NAV3: variants seen among roughly 807,000 people sequenced by gnomAD.
NAV3 encodes the protein pore membrane and/or filament interacting like protein 1.
Under a neutral mutation model 244.7 loss-of-function variants are expected in NAV3, and 87 were observed. The ratio of observed to expected loss-of-function variants is 0.36; its 90% CI spans 0.30 to 0.42. NAV3 has a LOEUF of 0.42. NAV3 is among the 20% of genes least tolerant of loss of function. The probability of loss-of-function intolerance (pLI) is 1.00; values close to 1 mark genes in which losing one functional copy is unlikely to be tolerated. For missense variants in NAV3, 2,663 were observed against 2,893.3 expected (o/e 0.92, Z 1.83); for synonymous variants, 1,126 against 1,042.2 (o/e 1.08, Z -1.55).
chr12:77,741,258 T>A (rs911214257), intron 2 of NAV3, among the ~76,000 whole-genome samples: 1 of 151,108 alleles, frequency 6.6e-6, no homozygotes, highest in Non-Finnish European at 1.5e-5. Flanking sequence ...AGAATCCTTA[T>A]AAAGTTTTAA....
intron 15 of NAV3, 113 bp downstream of exon 15, chr12:78,120,058 ATAT>A: frequency 1.5e-6 from 1 of 654,690 alleles, no homozygotes; most frequent in South Asian, 5.2e-5. Context: ...TAAGGTATAT[ATAT>A]ATCTTAGAAT....
intron 34 of NAV3, among the ~76,000 whole-genome samples, chr12:78,192,997 G>T (rs189072825): frequency 6.6e-6 from 1 of 152,198 alleles, no homozygotes; most frequent in Non-Finnish European, 1.5e-5. Context: ...CAACAGTGTA[G>T]ATTTACTGAA....
intron 8 of NAV3, among the ~76,000 whole-genome samples, chr12:78,021,060 C>A (rs1877070243): frequency 6.6e-6 from 1 of 152,126 alleles, no homozygotes; most frequent in African/African-American, 2.4e-5. Flanking sequence ...AGGGAAGAAA[C>A]ATGCATGAAG....
chr12:77,657,308 A>G (rs11106161), intron 2 of NAV3, among the ~76,000 whole-genome samples: 27,488 of 152,194 alleles, frequency 0.18, 3,302 homozygotes, highest in African/African-American at 0.34. Flanking sequence ...ACAAACTACC[A>G]TCAGAGAATA....
chr12:77,740,232 C>G (rs531128132), intron 2 of NAV3, among the ~76,000 whole-genome samples: 1 of 152,254 alleles, frequency 6.6e-6, no homozygotes, highest in Non-Finnish European at 1.5e-5. Context: ...TGCATACCAA[C>G]TACTTTTCAG....
chr12:78,126,212 G>A (rs1359491461), intron 16 of NAV3, among the ~76,000 whole-genome samples: 1 of 152,114 alleles, frequency 6.6e-6, no homozygotes, highest in East Asian at 1.9e-4. Context: ...AGTACACATA[G>A]AAGAAAACAT....
intron 2 of NAV3, among the ~76,000 whole-genome samples, chr12:77,797,001 G>A (rs988307127): frequency 7.2e-5 from 11 of 152,044 alleles, no homozygotes; most frequent in Non-Finnish European, 1.5e-5. Flanking sequence ...AAATCTCTGA[G>A]GTATGCCTAT....
At chr12:77,725,115 C>T (rs111844218) in intron 2 of NAV3, among the ~76,000 whole-genome samples, 2,929 of 152,038 alleles carry the variant, frequency 0.019, 60 homozygotes, top group Non-Finnish European at 0.031. Context: ...AGCATCTAGG[C>T]GATACTGGTA....
chr12:77,595,773 T>C (rs1870140704), intron 2 of NAV3, among the ~76,000 whole-genome samples: 1 of 152,152 alleles, frequency 6.6e-6, no homozygotes, highest in South Asian at 2.1e-4. Flanking sequence ...ATACTTATTT[T>C]GCCACAGTTT....
chr12:77,994,741 G>T lies in NAV3; in HGVS notation c.672-62G>T. The T allele has an allele frequency of 2.3e-6, 3 of 1,303,100 alleles. No homozygotes were observed. The African/African-American group carries it at 4.4e-5, about 19-fold the overall frequency. 80.7% of individuals were successfully genotyped at this position (1,303,100 alleles called of 1,614,324 possible). A position where few individuals can be genotyped will look rare whatever the true frequency, so the allele number is the denominator to read the frequency against. On this transcript the variant is annotated intron_variant, in intron 5 of 39. Transcript: ENST00000397909. ...TAATTCATAGTTTTCTTGTAAGTTT[G>T]TGCTTTCCTTCCATGTTCAAAGAAT...
At chr12:77,710,905 T>A (rs886695165) in intron 2 of NAV3, among the ~76,000 whole-genome samples, 5 of 152,014 alleles carry the variant, frequency 3.3e-5, no homozygotes, top group South Asian at 4.1e-4. Context: ...AACATAATTT[T>A]AAAAAATTGT....
At chr12:78,181,127 C>G (rs780144446) in intron 30 of NAV3, 82 bp downstream of exon 30, 1 of 1,280,506 alleles carries the variant, frequency 7.8e-7, no homozygotes, top group East Asian at 2.4e-5. Context: ...GAGAACTTTA[C>G]GTACTCTTAA....
chr12:77,740,592 GAT>G (rs1165946513), intron 2 of NAV3, among the ~76,000 whole-genome samples: 1 of 152,104 alleles, frequency 6.6e-6, no homozygotes, highest in Admixed American at 6.6e-5. Flanking sequence ...CACTAATAAA[GAT>G]ATGTTTCCTA....
intron 2 of NAV3, among the ~76,000 whole-genome samples, chr12:77,576,325 A>G (rs183422084): frequency 7.9e-5 from 12 of 152,176 alleles, no homozygotes; most frequent in African/African-American, 2.9e-4. Flanking sequence ...GGGTTAGAGA[A>G]AGCATCACCT....
intron 2 of NAV3, among the ~76,000 whole-genome samples, chr12:77,606,175 A>G (rs1870663653): frequency 6.6e-6 from 1 of 152,182 alleles, no homozygotes; most frequent in Non-Finnish European, 1.5e-5. Flanking sequence ...TTATCGTGAC[A>G]CACAAGAAAT....
intron 12 of NAV3, among the ~76,000 whole-genome samples, chr12:78,065,423 T>C (rs1476293303): frequency 6.6e-6 from 1 of 152,146 alleles, no homozygotes; most frequent in Non-Finnish European, 1.5e-5. Context: ...GTATCTCAAA[T>C]GTACAGTAAG....
chr12:77,780,461 T>G (rs756868726), intron 2 of NAV3, among the ~76,000 whole-genome samples: 1 of 152,186 alleles, frequency 6.6e-6, no homozygotes, highest in Non-Finnish European at 1.5e-5. Flanking sequence ...GGTCAAGACT[T>G]ATTGCAATAA....
At chr12:77,747,882 G>T (rs201963412) in intron 2 of NAV3, among the ~76,000 whole-genome samples, 5 of 152,124 alleles carry the variant, frequency 3.3e-5, no homozygotes, top group East Asian at 3.9e-4. Context: ...GGGGCCTGTT[G>T]TGGGGTTGGG....
At position 77,656,815 on chromosome 12, in the gene NAV3, C is replaced by T. The variant is rs753721489; in HGVS notation, c.72+84549C>T. Among the ~76,000 whole-genome samples, 262 of 151,816 alleles carry T rather than the reference C, an allele frequency of 1.7e-3. 1 individual carries two copies. The highest frequency in any genetic ancestry group is 3.0e-3 in the Non-Finnish European group (204 of 67,990). ...CAGGATTAAGAAACTCACTCAAAAC[C>T]GCTCAACTACATGGAAACTGAACAA... On this transcript the variant is annotated intron_variant, in intron 2 of 8. Transcript: ENST00000550042.
Sources: gnomAD v4.1 joint callset for allele counts (sites outside exome capture counted in the v4.1 genomes callset) on GRCh38, gnomAD v4.1.1 for gene constraint, MANE v1.5 for transcripts, NCBI Gene and HGNC (gene_info 2026-07-23, HGNC 2026-07-21) for gene names.